The following JAZF1 variants were observed in gnomAD, a reference collection of about 807,000 sequenced individuals.
JAZF1 encodes JAZF zinc finger 1, also known as juxtaposed with another zinc finger protein 1.
Under a neutral mutation model 26.4 loss-of-function variants are expected in JAZF1, and 8 were observed. The observed-to-expected ratio is 0.30, with a 90% confidence interval of 0.18 to 0.55. JAZF1 has a LOEUF of 0.55. Among genes scored for constraint, JAZF1 ranks in the 20% least tolerant of loss-of-function variants. The probability of loss-of-function intolerance (pLI) is 0.94; values close to 1 mark genes in which losing one functional copy is unlikely to be tolerated. For missense variants in JAZF1, 199 were observed against 322.0 expected, an observed-to-expected ratio of 0.62 and a Z score of 2.92; for synonymous variants, 126 against 122.3, an observed-to-expected ratio of 1.03 and a Z score of -0.20.
intron 1 of JAZF1, among the ~76,000 whole-genome samples, chr7:28,108,984 G>A (rs1784597222): frequency 6.6e-6 from 1 of 152,128 alleles, no homozygotes; most frequent in Admixed American, 6.5e-5. Flanking sequence ...CTTATATGTG[G>A]GAACTAAGAA....
At position 27,982,849 on chromosome 7, in the gene JAZF1, G is replaced by C. The variant is rs545835202; in HGVS notation, c.188+9060C>G. Among the ~76,000 whole-genome samples, 5 of 152,308 alleles carry C rather than the reference G, an allele frequency of 3.3e-5. No homozygotes were observed. The South Asian group carries it at 1.0e-3, about 32-fold the overall frequency. ...AAACAGGGTCTGGAGAGGACCTCCA[G>C]CAAACTCCAACAGACCTGCAGCTGA... is the stretch of plus-strand genomic sequence containing the variant. On this transcript the variant is annotated intron_variant, in intron 2 of 4. Coordinates refer to ENST00000283928, the MANE Select transcript of JAZF1 (RefSeq NM_175061.4).
At chr7:28,041,635 T>C (rs1386471836) in intron 1 of JAZF1, among the ~76,000 whole-genome samples, 1 of 152,180 alleles carries the variant, frequency 6.6e-6, no homozygotes, top group Non-Finnish European at 1.5e-5. Flanking sequence ...ATGATTTGCA[T>C]TGATGGGTTA....
intron 2 of JAZF1, among the ~76,000 whole-genome samples, chr7:27,908,972 G>A (rs1784309762): frequency 6.6e-6 from 1 of 151,414 alleles, no homozygotes; most frequent in Non-Finnish European, 1.5e-5. Context: ...GGTATTATTA[G>A]GTTATTCAGG....
At chr7:27,848,581 G>A (rs1228521979) in intron 3 of JAZF1, among the ~76,000 whole-genome samples, 5 of 152,316 alleles carry the variant, frequency 3.3e-5, no homozygotes, top group East Asian at 1.9e-4. Context: ...GGGTGAGTGC[G>A]ACAGTAGGGT....
At chr7:27,865,661 A>G (rs1783460996) in intron 3 of JAZF1, among the ~76,000 whole-genome samples, 1 of 152,132 alleles carries the variant, frequency 6.6e-6, no homozygotes, top group Admixed American at 6.5e-5. Context: ...ATGTTGTGTT[A>G]GCTAGGAGTA....
At chr7:27,974,159 A>G (rs561910037) in intron 2 of JAZF1, among the ~76,000 whole-genome samples, 2 of 152,168 alleles carry the variant, frequency 1.3e-5, no homozygotes, top group African/African-American at 2.4e-5. Context: ...AGATGAGCTG[A>G]GCCTGTACTG....
At chr7:28,162,911 T>G (rs1323967411) in intron 1 of JAZF1, among the ~76,000 whole-genome samples, 1 of 152,214 alleles carries the variant, frequency 6.6e-6, no homozygotes, top group Non-Finnish European at 1.5e-5. Context: ...GACTTCATGG[T>G]AGAGGAAACA....
In JAZF1 at chr7:27,840,954, C is replaced by A; in HGVS notation, c.386-87G>T. The stretch of plus-strand genomic sequence containing the variant: ...GCCACTTCCAGGACAGGAGATGTGG[C>A]CGTGGCAGAGCAGCGCTGACGGCCC... On this transcript the variant is annotated intron_variant, in intron 3 of 4. Coordinates refer to ENST00000283928, the MANE Select transcript of JAZF1 (RefSeq NM_175061.4). This position sits in a 1 kb window ranked among gnomAD's most constrained non-coding sequence, Gnocchi z 5.1. 1.4e-6 allele frequency: 2 copies of A among 1,451,092 alleles called. No individual in the cohort carries two copies. The highest frequency in any genetic ancestry group is 2.3e-5 in the East Asian group (1 of 43,900). 89.9% of individuals were successfully genotyped at this position (1,451,092 alleles called of 1,614,324 possible). A position where few individuals can be genotyped will look rare whatever the true frequency, so the allele number is the denominator to read the frequency against.
At chr7:27,898,043 T>C (rs191541679) in intron 2 of JAZF1, among the ~76,000 whole-genome samples, 3 of 152,314 alleles carry the variant, frequency 2.0e-5, no homozygotes, top group African/African-American at 4.8e-5. Flanking sequence ...ATTAATTACA[T>C]AAAGCATTAT....
At chr7:28,124,807 T>C (rs1782669425) in intron 1 of JAZF1, among the ~76,000 whole-genome samples, 1 of 152,224 alleles carries the variant, frequency 6.6e-6, no homozygotes, top group Non-Finnish European at 1.5e-5. Flanking sequence ...TTAATGAGCA[T>C]TTTGATCAGA....
chr7:27,986,526 T>C (rs574985936), intron 2 of JAZF1, among the ~76,000 whole-genome samples: 1 of 152,260 alleles, frequency 6.6e-6, no homozygotes, highest in East Asian at 1.9e-4. Context: ...ATTGTGAAAA[T>C]GGCCATACTG....
At chr7:28,027,584 C>T (rs1241369291) in intron 1 of JAZF1, among the ~76,000 whole-genome samples, 3 of 152,084 alleles carry the variant, frequency 2.0e-5, no homozygotes, top group Non-Finnish European at 4.4e-5. Context: ...GAAATGGGAA[C>T]GTGGGTTGGG....
chr7:27,861,561 T>C (rs910552962), intron 3 of JAZF1, among the ~76,000 whole-genome samples: 12 of 146,314 alleles, frequency 8.2e-5, no homozygotes, highest in Admixed American at 1.4e-4. Context: ...CTTTTTTTTT[T>C]CATGCACAAA....
intron 1 of JAZF1, among the ~76,000 whole-genome samples, chr7:28,057,592 T>C (rs757282970): frequency 1.3e-5 from 2 of 152,224 alleles, no homozygotes; most frequent in Non-Finnish European, 1.5e-5. Flanking sequence ...GAGAATGTTA[T>C]AATGAATCTT....
intron 1 of JAZF1, among the ~76,000 whole-genome samples, chr7:28,057,985 G>A (rs905366564): frequency 2.6e-4 from 39 of 152,100 alleles, no homozygotes; most frequent in Admixed American, 2.2e-3. Context: ...ATTTTCTGAG[G>A]GGTTTTTAGG....
chr7:28,104,239 T>C (rs531220114), intron 1 of JAZF1, among the ~76,000 whole-genome samples: 7 of 152,208 alleles, frequency 4.6e-5, no homozygotes, highest in African/African-American at 1.7e-4. Flanking sequence ...TCCACTTTCC[T>C]TATCTTACTT....
At chr7:28,068,097 T>C (rs1200982730) in intron 1 of JAZF1, among the ~76,000 whole-genome samples, 1 of 151,980 alleles carries the variant, frequency 6.6e-6, no homozygotes, top group Middle Eastern at 3.2e-3. Flanking sequence ...GTATATTTAG[T>C]AAAAACAGGG....
chr7:27,932,085 G>A (rs547055829), intron 2 of JAZF1, among the ~76,000 whole-genome samples: 2 of 152,228 alleles, frequency 1.3e-5, no homozygotes, highest in East Asian at 3.9e-4. Flanking sequence ...ACAAGGTTTG[G>A]GGGACTGGAG....
chr7:27,846,251 G>A (rs146288903), intron 3 of JAZF1, among the ~76,000 whole-genome samples: 1 of 151,888 alleles, frequency 6.6e-6, no homozygotes, highest in Non-Finnish European at 1.5e-5. Context: ...TGTCCTTCAG[G>A]CTCATCCATG....
Sources: gnomAD v4.1 joint callset for allele counts (sites outside exome capture counted in the v4.1 genomes callset) on GRCh38, gnomAD v4.1.1 for gene constraint, Gnocchi (gnomAD v3.1) non-coding constraint, MANE v1.5 for transcripts, NCBI Gene and HGNC (gene_info 2026-07-23, HGNC 2026-07-21) for gene names.